Variants in OPRM1 observed in about 807,000 individuals in gnomAD.
The protein encoded by OPRM1 is mu-type opioid receptor.
Under a neutral mutation model 31.8 loss-of-function variants are expected in OPRM1, and 27 were observed. The observed-to-expected ratio is 0.85, with a 90% CI of 0.63 to 1.17. The LOEUF is 1.17. OPRM1 is among the 50% of genes most tolerant of loss of function. The pLI is 0.00. For missense variants in OPRM1, 536 were observed against 511.1 expected (o/e 1.05, Z -0.47); for synonymous variants, 196 against 189.9 (o/e 1.03, Z -0.26).
chr6:154,091,587 G>A (rs557825777), intron 3 of OPRM1, 115 bp downstream of exon 3: 2 of 1,446,768 alleles, frequency 1.4e-6, no homozygotes, highest in South Asian at 3.0e-5. Flanking sequence ...GGGAAGAGGG[G>A]AAGCAAATTG....
At chr6:154,188,385 A>G (rs1427983348) in intron 3 of OPRM1, among the ~76,000 whole-genome samples, 5 of 152,238 alleles carry the variant, frequency 3.3e-5, no homozygotes, top group Admixed American at 6.5e-5. Flanking sequence ...AAAGAGACCA[A>G]TTTCATGTAC....
intron 1 of OPRM1, among the ~76,000 whole-genome samples, chr6:154,067,643 G>A (rs1010370788): frequency 1.3e-5 from 2 of 152,012 alleles, no homozygotes; most frequent in Admixed American, 1.3e-4. Flanking sequence ...GTTGGGTAGA[G>A]TAGTCTGTCT....
intron 3 of OPRM1, among the ~76,000 whole-genome samples, chr6:154,226,578 T>A (rs1461888562): frequency 6.6e-6 from 1 of 152,132 alleles, no homozygotes; most frequent in Non-Finnish European, 1.5e-5. Context: ...ACCTACTGCC[T>A]CCTTCAACTT....
At chr6:154,094,129 T>G (rs1195319610) in intron 3 of OPRM1, 4 of 771,316 alleles carry the variant, frequency 5.2e-6, no homozygotes, top group Admixed American at 2.4e-5. Flanking sequence ...TTCTGCCTTA[T>G]GTATTTGTAC....
Position 154,221,442 on chromosome 6 carries a change from AT to A in OPRM1, c.1165-25248del. 3 of 794,492 alleles carry A rather than the reference AT, an allele frequency of 3.8e-6. No individual in the cohort carries two copies. The South Asian group carries it at 5.1e-5, about 13-fold the overall frequency. The allele number at this position is 794,492 out of a possible 1,614,324, so 49.2% of individuals were successfully genotyped here. ...GTAAACTTGTCTGCTTTCTTTGTAAATTTACAAAAAATAATTTAGTAATATT... is the reference window on the plus strand; with the variant it reads ...GTAAACTTGTCTGCTTTCTTTGTAAATTACAAAAAATAATTTAGTAATATT... On this transcript the variant is annotated intron_variant, in intron 3 of 3. Transcript: ENST00000337049.
At chr6:154,109,889 A>C (rs1796161016) in intron 3 of OPRM1, among the ~76,000 whole-genome samples, 1 of 150,078 alleles carries the variant, frequency 6.7e-6, no homozygotes, top group South Asian at 2.1e-4. Context: ...AGTTCATCTG[A>C]GCTCAGGCCC....
rs199953844 is a variant in OPRM1, at chr6:154,039,650, C to A, written c.106C>A (p.His36Asn). 1.2e-6 allele frequency: 2 copies of A among 1,613,904 alleles called. No homozygotes were observed. Among genetic ancestry groups the A allele is most frequent in the Non-Finnish European group, 1.7e-6 (2 of 1,179,786 alleles). The change falls in exon 1 of 4, where the codon CAC (histidine) becomes AAC (asparagine). Residue 36 changes from histidine (H) to asparagine (N), a missense_variant. Coordinates refer to ENST00000330432, the MANE Select transcript of OPRM1 (RefSeq NM_000914.5). The part of the protein sequence containing the change: ...PSPGSWVNLS[H>N]LDGNLSDPCG... ...CCCCGGTTCCTGGGTCAACTTGTCC[C>A]ACTTAGATGGCAACCTGTCCGACCC...
chr6:154,199,752 T>C (rs1376993133), intron 3 of OPRM1: 1 of 1,614,244 alleles, frequency 6.2e-7, no homozygotes, highest in Non-Finnish European at 8.5e-7. Flanking sequence ...GTATCATCAC[T>C]AGATAAAGAG....
At chr6:154,176,378 A>C (rs1369183932) in intron 3 of OPRM1, among the ~76,000 whole-genome samples, 1 of 152,236 alleles carries the variant, frequency 6.6e-6, no homozygotes, top group Non-Finnish European at 1.5e-5. Context: ...AGAGGAGGTC[A>C]AATTGTCTTT....
intron 3 of OPRM1, among the ~76,000 whole-genome samples, chr6:154,210,644 C>G (rs918469649): frequency 6.6e-6 from 1 of 152,010 alleles, no homozygotes; most frequent in Non-Finnish European, 1.5e-5. Context: ...AAAATAAAAG[C>G]TTTTTCTAAA....
At chr6:154,041,577 C>G (rs1466525958) in intron 1 of OPRM1, among the ~76,000 whole-genome samples, 1 of 151,868 alleles carries the variant, frequency 6.6e-6, no homozygotes, top group Non-Finnish European at 1.5e-5. Flanking sequence ...ATTATTTTCT[C>G]TAAGAACAGA....
chr6:154,061,485 A>G (rs1784403183), intron 1 of OPRM1, among the ~76,000 whole-genome samples: 1 of 152,164 alleles, frequency 6.6e-6, no homozygotes, highest in South Asian at 2.1e-4. Flanking sequence ...AATACTATGC[A>G]GCCATAAAAA....
intron 1 of OPRM1, chr6:154,087,782 T>G (rs979270747): frequency 1.9e-5 from 3 of 158,000 alleles, no homozygotes; most frequent in African/African-American, 7.2e-5. Flanking sequence ...AGAGTGAAAC[T>G]GAGGTACTAT....
chr6:154,104,315 G>T (rs1181684165), intron 3 of OPRM1, among the ~76,000 whole-genome samples: 3 of 152,142 alleles, frequency 2.0e-5, no homozygotes, highest in Non-Finnish European at 4.4e-5. Flanking sequence ...CCTACACAAA[G>T]AATATAATAG....
intron 3 of OPRM1, among the ~76,000 whole-genome samples, chr6:154,113,801 G>T (rs769265417): frequency 6.6e-6 from 1 of 152,218 alleles, no homozygotes; most frequent in Non-Finnish European, 1.5e-5. Context: ...CAGAGCTGCT[G>T]CTTGTCTCTG....
In OPRM1 at chr6:154,068,596, C is replaced by T. The variant is rs980225144; in HGVS notation, c.291-21230C>T. 7.9e-5 allele frequency among the ~76,000 whole-genome samples: 12 copies of T among 152,092 alleles called. No individual in the cohort carries two copies. The South Asian group carries it at 1.0e-3, about 13-fold the overall frequency. On this transcript the variant is annotated intron_variant, in intron 1 of 3. Coordinates refer to ENST00000330432, the MANE Select transcript of OPRM1 (RefSeq NM_000914.5). ...GTATATATACCACATTTTCTTTATC[C>T]ATTCATATATTAATGGACACTGAGA...
chr6:154,091,303 G>A lies in OPRM1; in HGVS notation c.995G>A (p.Cys332Tyr). 6.2e-7 allele frequency: 1 copy of A among 1,614,170 alleles called. No individual in the cohort carries two copies. The change falls in exon 3 of 4, where the codon TGC becomes TAC. Residue 332 changes from cysteine to tyrosine, a missense_variant. Transcript: ENST00000330432. ...FCIALGYTNS[C>Y]LNPVLYAFLD... ...ATTGCTCTAGGTTACACAAACAGCTGCCTCAACCCAGTCCTTTATGCATTT... is the reference window on the plus strand; with the variant it reads ...ATTGCTCTAGGTTACACAAACAGCTACCTCAACCCAGTCCTTTATGCATTT...
At chr6:154,021,337 A>G (rs562033758) in intron 1 of OPRM1, among the ~76,000 whole-genome samples, 4 of 152,256 alleles carry the variant, frequency 2.6e-5, no homozygotes, top group African/African-American at 7.2e-5. Context: ...TTTTGCAGAT[A>G]CCACCACACT....
intron 1 of OPRM1, among the ~76,000 whole-genome samples, chr6:154,031,129 T>C (rs1299380849): frequency 6.6e-6 from 1 of 152,250 alleles, no homozygotes; most frequent in Non-Finnish European, 1.5e-5. Flanking sequence ...AAAAGCTCTG[T>C]GAGTAGTTCA....
Sources: allele counts gnomAD v4.1 joint callset (sites outside exome capture counted in the v4.1 genomes callset), GRCh38; gene constraint gnomAD v4.1.1; transcripts MANE v1.5; gene names NCBI Gene and HGNC (gene_info 2026-07-23, HGNC 2026-07-21).